THSD4: variants seen among roughly 807,000 people sequenced by gnomAD.
THSD4 encodes thrombospondin type-1 domain-containing protein 4.
Under a neutral mutation model 119.0 loss-of-function variants are expected in THSD4, and 69 were observed. That is an observed-to-expected ratio of 0.58 (90% CI 0.48 to 0.71). The LOEUF is 0.71. Among genes scored for constraint, THSD4 ranks in the 30% least tolerant of loss-of-function variants. The pLI is 0.00. For missense variants in THSD4, 1,393 were observed against 1,391.1 expected (o/e 1.00, Z -0.02); for synonymous variants, 524 against 540.4 (o/e 0.97, Z 0.42).
rs2040286668 is a variant in THSD4, at chr15:71,109,084, A to C, written c.-80+12078A>C. On this transcript the variant is annotated intron_variant, in intron 1 of 17. Coordinates refer to the THSD4 transcript ENST00000355327. ...CTAGAATTCTGAGATTTTTAAATAA[A>C]GAAAGATGAACTTAGGAAGAAGCTG... 2.0e-5 allele frequency among the ~76,000 whole-genome samples: 3 copies of C among 152,378 alleles called. No homozygotes were observed. In the South Asian group the frequency reaches 6.2e-4, roughly 32 times the overall value.
intron 6 of THSD4, among the ~76,000 whole-genome samples, chr15:71,330,412 T>C (rs1165145108): frequency 6.6e-6 from 1 of 152,158 alleles, no homozygotes; most frequent in Non-Finnish European, 1.5e-5. Context: ...ACATGGGGAA[T>C]TGTGTATCAT....
chr15:71,749,801 C>T (rs986387048), intron 14 of THSD4, among the ~76,000 whole-genome samples: 7 of 150,256 alleles, frequency 4.7e-5, no homozygotes, highest in Non-Finnish European at 1.0e-4. Flanking sequence ...CTCACTGCAG[C>T]CTCGACCTGC....
At chr15:71,697,106 A>G (rs901984595) in intron 8 of THSD4, among the ~76,000 whole-genome samples, 11 of 152,224 alleles carry the variant, frequency 7.2e-5, no homozygotes, top group Non-Finnish European at 1.5e-4. Flanking sequence ...GGGATGATTC[A>G]AGTGGCCACT....
In THSD4 at chr15:71,426,365, C is replaced by CTGTGTG. The variant is rs199965138; in HGVS notation, c.1152+14578_1152+14583dup. 2.2e-3 allele frequency among the ~76,000 whole-genome samples: 226 copies of CTGTGTG among 102,568 alleles called. 2 individuals are homozygous for CTGTGTG. The highest frequency in any genetic ancestry group is 5.4e-3 in the Middle Eastern group (1 of 186). The allele number at this position is 102,568 out of a possible 152,430, so 67.3% of individuals were successfully genotyped here. ...TGAATGTGTGCATTTGTAAGTATAG[C>CTGTGTG]TGTGTGTGTGTGTGTGTGTGTGTGT... On this transcript the variant is annotated intron_variant, in intron 7 of 17. Transcript: ENST00000261862.
chr15:71,135,313 T>C (rs1175655230), intron 1 of THSD4, among the ~76,000 whole-genome samples: 1 of 147,968 alleles, frequency 6.8e-6, no homozygotes, highest in Non-Finnish European at 1.5e-5. Context: ...TGTATACATA[T>C]GTAACTAACC....
intron 10 of THSD4, among the ~76,000 whole-genome samples, chr15:71,736,433 GTC>G (rs1040261678): frequency 3.6e-5 from 5 of 138,616 alleles, no homozygotes; most frequent in South Asian, 2.4e-4. Flanking sequence ...TGCTGTCTTT[GTC>G]TCTCTCTTGC....
intron 7 of THSD4, among the ~76,000 whole-genome samples, chr15:71,511,779 C>T (rs1001697224): frequency 6.6e-6 from 1 of 152,188 alleles, no homozygotes; most frequent in Admixed American, 6.5e-5. Context: ...TGGGCTCCTC[C>T]TGGCGCACTG....
chr15:71,407,584 AT>A, intron 6 of THSD4, among the ~76,000 whole-genome samples: 1 of 112,410 alleles, frequency 8.9e-6, no homozygotes, highest in South Asian at 3.4e-4. Flanking sequence ...ATTTTCTTGT[AT>A]AGTCACCAGC....
intron 6 of THSD4, among the ~76,000 whole-genome samples, chr15:71,334,636 G>A (rs1159678239): frequency 6.6e-6 from 1 of 152,218 alleles, no homozygotes; most frequent in African/African-American, 2.4e-5. Context: ...CAAGGCTGCG[G>A]CCAAATGCCA....
At chr15:71,532,079 G>A (rs1016187494) in intron 7 of THSD4, among the ~76,000 whole-genome samples, 15 of 137,826 alleles carry the variant, frequency 1.1e-4, no homozygotes, top group African/African-American at 1.8e-4. Flanking sequence ...GCCATGCTGA[G>A]GAGTAAGTAA....
chr15:71,135,272 A>C (rs1208174282), intron 1 of THSD4, among the ~76,000 whole-genome samples: 1 of 149,062 alleles, frequency 6.7e-6, no homozygotes, highest in Non-Finnish European at 1.5e-5. Context: ...ATGCTAGATG[A>C]CGAGTTGGTG....
intron 8 of THSD4, among the ~76,000 whole-genome samples, chr15:71,699,714 T>A (rs1393621081): frequency 1.3e-5 from 2 of 152,170 alleles, no homozygotes; most frequent in Non-Finnish European, 2.9e-5. Context: ...GGGTTTTCTA[T>A]ATTAATATGA....
In THSD4 at chr15:71,342,130, T is replaced by G. The variant is rs1036211242; in HGVS notation, c.1016-69557T>G. Among the ~76,000 whole-genome samples, 4 of 133,604 alleles carry G rather than the reference T, an allele frequency of 3.0e-5. No homozygotes were observed. The South Asian group carries it at 9.3e-4, about 31-fold the overall frequency. The allele number at this position is 133,604 out of a possible 152,430, so 87.6% of individuals were successfully genotyped here. A position where few individuals can be genotyped will look rare whatever the true frequency, so the allele number is the denominator to read the frequency against. ...ACATCCTTTGATTGACTGAAACGCT[T>G]CTTCATAAAAAAAAAAGGTGGGGGA... is the stretch of plus-strand genomic sequence containing the variant. On this transcript the variant is annotated intron_variant, in intron 6 of 17. Coordinates refer to ENST00000261862, the MANE Select transcript of THSD4 (RefSeq NM_024817.3).
chr15:71,305,145 A>G (rs950509317), intron 6 of THSD4, among the ~76,000 whole-genome samples: 70 of 152,312 alleles, frequency 4.6e-4, no homozygotes, highest in African/African-American at 1.6e-3. Flanking sequence ...CTGATGGGTG[A>G]TAGGAAAATG....
At chr15:71,771,241 T>C (rs1217198060) in intron 17 of THSD4, 33 bp downstream of exon 17, 1 of 1,610,538 alleles carries the variant, frequency 6.2e-7, no homozygotes, top group South Asian at 1.1e-5. Context: ...GGGGAAAGGT[T>C]TGTGTTTTTT....
At chr15:71,685,575 C>A (rs1032534106) in intron 8 of THSD4, among the ~76,000 whole-genome samples, 1 of 152,100 alleles carries the variant, frequency 6.6e-6, no homozygotes, top group Non-Finnish European at 1.5e-5. Flanking sequence ...TAGAAGACAG[C>A]TGGATTCTCA....
At chr15:71,199,889 T>TGGGG (rs1251910052) in intron 3 of THSD4, among the ~76,000 whole-genome samples, 3 of 44,548 alleles carry the variant, frequency 6.7e-5, no homozygotes, top group Non-Finnish European at 1.7e-4. Context: ...GGTGCATGTG[T>TGGGG]GGTATGTGTG....
At chr15:71,639,736 A>G (rs2050817235) in intron 7 of THSD4, among the ~76,000 whole-genome samples, 1 of 152,078 alleles carries the variant, frequency 6.6e-6, no homozygotes, top group Non-Finnish European at 1.5e-5. Flanking sequence ...ATGGTTTTGC[A>G]TAGTCCTGAC....
intron 7 of THSD4, among the ~76,000 whole-genome samples, chr15:71,518,469 C>T (rs912003885): frequency 3.3e-5 from 5 of 152,038 alleles, no homozygotes; most frequent in Non-Finnish European, 4.4e-5. Context: ...TTGTACTGCT[C>T]CAGACTCTGA....
Sources: gnomAD v4.1 joint callset for allele counts (sites outside exome capture counted in the v4.1 genomes callset) on GRCh38, gnomAD v4.1.1 for gene constraint, MANE v1.5 for transcripts, NCBI Gene and HGNC (gene_info 2026-07-23, HGNC 2026-07-21) for gene names.